The following POLQ variants were observed in gnomAD, a reference collection of about 807,000 sequenced individuals.
POLQ encodes epididymis secretory sperm binding protein.
Under a neutral mutation model 259.2 loss-of-function variants are expected in POLQ, and 233 were observed. That is an observed-to-expected ratio of 0.90 (90% confidence interval 0.81 to 1.00). The LOEUF is 1.00. Ranked by LOEUF, POLQ falls within the 50% of genes least tolerant of loss-of-function variation. The pLI, the probability that POLQ is intolerant of heterozygous loss-of-function variation, is 0.00. For missense variants in POLQ, 2,871 were observed against 3,051.6 expected, an observed-to-expected ratio of 0.94 and a Z score of 1.39; for synonymous variants, 1,025 against 1,048.8, an observed-to-expected ratio of 0.98 and a Z score of 0.44.
At chr3:121,468,888 A>G (rs1380473151) in intron 22 of POLQ, among the ~76,000 whole-genome samples, 1 of 152,190 alleles carries the variant, frequency 6.6e-6, no homozygotes, top group African/African-American at 2.4e-5. Flanking sequence ...AGAATCTACA[A>G]CAGTACTTAC....
intron 24 of POLQ, among the ~76,000 whole-genome samples, chr3:121,461,481 T>C (rs2047790820): frequency 6.6e-6 from 1 of 151,858 alleles, no homozygotes; most frequent in Admixed American, 6.6e-5. Context: ...TGAAACTCTG[T>C]CTCTACTAAA....
rs1159973704 is a variant in POLQ, at chr3:121,489,012, G to T, written c.3919C>A (p.His1307Asn). The change falls in exon 16 of 30, where the codon CAT becomes AAT. Residue 1307 changes from histidine to asparagine, a missense_variant. This residue lies in a region of POLQ where 2,080 missense variants were observed against 2,126.0 expected (regional missense o/e 0.98). Transcript: ENST00000264233. ...TYTTNKTKNN[H>N]VSDLGLVLCD... ...AGGACTAAACCTAAGTCAGAAACAT[G>T]ATTATTTTTAGTTTTGTTTGTTGTA... 6.2e-7 allele frequency: 1 copy of T among 1,612,570 alleles called. No individual in the cohort carries two copies. Among genetic ancestry groups the T allele is most frequent in the Admixed American group, 1.7e-5 (1 of 59,890 alleles).
intron 14 of POLQ, chr3:121,494,916 C>T: frequency 8.1e-6 from 10 of 1,231,154 alleles, no homozygotes; most frequent in Non-Finnish European, 1.2e-5. Flanking sequence ...TAAATGTACA[C>T]TGTTGAGTTT....
At chr3:121,523,302 G>C (rs2048350593) in intron 7 of POLQ, among the ~76,000 whole-genome samples, 1 of 152,112 alleles carries the variant, frequency 6.6e-6, no homozygotes, top group South Asian at 2.1e-4. Context: ...TTACAGGCAT[G>C]AGCCACCACC....
At chr3:121,523,091 T>C (rs2048349188) in intron 7 of POLQ, among the ~76,000 whole-genome samples, 1 of 152,152 alleles carries the variant, frequency 6.6e-6, no homozygotes, top group African/African-American at 2.4e-5. Context: ...TCCCTGCTCA[T>C]GGCAGCCTTG....
intron 25 of POLQ, among the ~76,000 whole-genome samples, chr3:121,452,807 C>A (rs1426457868): frequency 6.6e-6 from 1 of 152,168 alleles, no homozygotes; most frequent in Non-Finnish European, 1.5e-5. Context: ...CCTCTGGGGG[C>A]AGGGCACAGA....
At chr3:121,528,478 G>T (rs927426955) in intron 7 of POLQ, among the ~76,000 whole-genome samples, 6 of 151,936 alleles carry the variant, frequency 3.9e-5, no homozygotes, top group Admixed American at 1.3e-4. Flanking sequence ...CGAGTAGCTG[G>T]GATTACAGGC....
intron 25 of POLQ, among the ~76,000 whole-genome samples, chr3:121,458,007 T>C (rs2108782915): frequency 6.6e-6 from 1 of 152,284 alleles, no homozygotes; most frequent in East Asian, 1.9e-4. Context: ...AATGATAGAC[T>C]AGATTAAGAA....
In POLQ at chr3:121,488,522, C is replaced by T. The variant is rs970197611; in HGVS notation, c.4409G>A (p.Gly1470Asp). ...LLIPQKRTPT[G>D]VEGECLPVPE... is the part of the protein sequence containing the mutation. ...AACTGGAAGACATTCTCCTTCTACA[C>T]CAGTGGGAGTTCTCTTTTGAGGAAT... Residue 1470 changes from glycine to aspartate, a missense_variant, in exon 16 of 30, where the codon GGT becomes GAT. Around this residue, in one of 3 missense-constraint regions of POLQ, gnomAD observed 2,080 missense variants for 2,126.0 expected, o/e 0.98. Coordinates refer to ENST00000264233, the MANE Select transcript of POLQ (RefSeq NM_199420.4). The T allele has an allele frequency of 4.3e-6, 7 of 1,610,770 alleles. No individual in the cohort carries two copies. Among genetic ancestry groups the T allele is most frequent in the African/African-American group, 1.3e-5 (1 of 74,690 alleles).
At chr3:121,505,518 G>A (rs1336045570) in intron 12 of POLQ, among the ~76,000 whole-genome samples, 1 of 152,032 alleles carries the variant, frequency 6.6e-6, no homozygotes, top group Non-Finnish European at 1.5e-5. Context: ...AGTGAAACAG[G>A]AATATACACA....
chr3:121,443,134 G>A (rs895110348), intron 26 of POLQ, among the ~76,000 whole-genome samples: 2 of 150,882 alleles, frequency 1.3e-5, no homozygotes, highest in Non-Finnish European at 2.9e-5. Flanking sequence ...GGGATTACAG[G>A]CGTGAGCCAC....
rs1315048990 is a variant in POLQ, at chr3:121,488,810, G to A, written c.4121C>T (p.Pro1374Leu). 6.2e-7 allele frequency: 1 copy of A among 1,613,804 alleles called. No individual in the cohort carries two copies. Among genetic ancestry groups the A allele is most frequent in the East Asian group, 2.2e-5 (1 of 44,888 alleles). Residue 1374 changes from proline (P) to leucine (L), a missense_variant, in exon 16 of 30, where the codon CCT becomes CTT. Pro to Leu is a moderately conservative substitution (Grantham distance 98, BLOSUM62 -3). Around this residue, in one of 3 missense-constraint regions of POLQ, gnomAD observed 2,080 missense variants for 2,126.0 expected, o/e 0.98. Coordinates refer to ENST00000264233, the MANE Select transcript of POLQ (RefSeq NM_199420.4). Reference sequence around the variant, plus strand: ...TAGAGGGTGCTGTTCAGCAGGAAAAGGAATGTGACACTCCTTCTGAAAAGA... The same window carrying A: ...TAGAGGGTGCTGTTCAGCAGGAAAAAGAATGTGACACTCCTTCTGAAAAGA... Reference protein sequence around the residue: ...MNSFQKECHIPFPAEQHPLGA... With the variant: ...MNSFQKECHILFPAEQHPLGA...
intron 2 of POLQ, among the ~76,000 whole-genome samples, chr3:121,544,496 T>C (rs957361205): frequency 2.2e-4 from 34 of 152,166 alleles, no homozygotes; most frequent in African/African-American, 7.7e-4. Context: ...CAGGCAGAAT[T>C]GCCCACTCTT....
chr3:121,458,073 A>C (rs1409189369), intron 25 of POLQ, among the ~76,000 whole-genome samples: 2 of 152,188 alleles, frequency 1.3e-5, no homozygotes, highest in Non-Finnish European at 2.9e-5. Context: ...TGATGAGTTC[A>C]TGTCCTTTGT....
intron 26 of POLQ, 90 bp from the exon 27 acceptor site, chr3:121,440,206 C>T (rs948035740): frequency 2.2e-6 from 2 of 906,702 alleles, no homozygotes; most frequent in Admixed American, 2.2e-5. Context: ...TACACCAAAA[C>T]CCCACGATGA....
Position 121,487,287 on chromosome 3 carries a change from TA to T in POLQ, c.5629+14del, listed in dbSNP as rs746650406. The T allele has an allele frequency of 5.5e-6, 8 of 1,449,102 alleles. No individual in the cohort carries two copies. The highest frequency in any genetic ancestry group is 5.6e-6 in the Non-Finnish European group (6 of 1,073,014). 89.8% of individuals were successfully genotyped at this position (1,449,102 alleles called of 1,614,324 possible). A position where few individuals can be genotyped will look rare whatever the true frequency, so the allele number is the denominator to read the frequency against. ...GTTTATAAATATGAAAAAATAAAAT[TA>T]AAAAAATTCTTACCTTGCTTAAACC... On this transcript the variant is annotated intron_variant, in intron 16 of 29. Transcript: ENST00000264233.
chr3:121,435,823 G>A (rs1174865940), intron 28 of POLQ, among the ~76,000 whole-genome samples: 1 of 152,188 alleles, frequency 6.6e-6, no homozygotes, highest in Non-Finnish European at 1.5e-5. Flanking sequence ...TAGTTCTTAA[G>A]AGATGTAGTT....
rs1006062281 is a variant in POLQ at position 121,511,998 on chromosome 3, C to A, written c.1500G>T (p.Glu500Asp). The stretch of plus-strand genomic sequence containing the variant: ...GAAGGAGAGCTATGCCTTTTGATTT[C>A]TCAGAGTTCTTACAAATTAAGATAC... ...GESILICKNS[E>D]KSKGIALLQG... is the part of the protein sequence containing the mutation. Residue 500 changes from glutamate (E) to aspartate (D), a missense_variant, in exon 10 of 30, where the codon GAG becomes GAT. By Grantham distance (45) the Glu-to-Asp change is conservative. Around this residue, in one of 3 missense-constraint regions of POLQ, gnomAD observed 783 missense variants for 906.2 expected, o/e 0.86. Coordinates refer to ENST00000264233, the MANE Select transcript of POLQ (RefSeq NM_199420.4). 1 of 1,613,562 alleles carries A rather than the reference C, an allele frequency of 6.2e-7. No homozygotes were observed. Among genetic ancestry groups the A allele is most frequent in the Non-Finnish European group, 8.5e-7 (1 of 1,179,664 alleles).
chr3:121,509,554 A>G lies in POLQ; in HGVS notation c.1959+7T>C. ...TTCACAAACATAATTGTTAAAACAG[A>G]ACTTACCAGATAGAGAATATGAAGA... On this transcript the variant is annotated splice_region_variant and intron_variant, in intron 12 of 29. Transcript: ENST00000264233. The G allele has an allele frequency of 6.2e-7, 1 of 1,607,126 alleles. No individual in the cohort carries two copies. The highest frequency in any genetic ancestry group is 8.5e-7 in the Non-Finnish European group (1 of 1,177,192).
Sources: gnomAD v4.1 joint callset for allele counts (sites outside exome capture counted in the v4.1 genomes callset) on GRCh38, gnomAD v4.1.1 for gene constraint, gnomAD v4.1.1 regional missense constraint, MANE v1.5 for transcripts, NCBI Gene and HGNC (gene_info 2026-07-23, HGNC 2026-07-21) for gene names.